Variants in HUNK observed in about 807,000 individuals in gnomAD.
HUNK encodes the protein hormonally up-regulated neu tumor-associated kinase.
HUNK carries 21 observed loss-of-function variants against 61.0 expected under a neutral mutation model. The observed-to-expected ratio is 0.34, with a 90% CI of 0.24 to 0.50. The LOEUF is 0.50. Among genes scored for constraint, HUNK ranks in the 20% least tolerant of loss-of-function variants. The pLI is 0.98. For synonymous variants in HUNK, 371 were observed against 386.1 expected, an observed-to-expected ratio of 0.96 and a Z score of 0.46; for missense variants, 772 against 945.7, an observed-to-expected ratio of 0.82 and a Z score of 2.41.
At chr21:31,960,535 C>A (rs2052920091) in intron 5 of HUNK, among the ~76,000 whole-genome samples, 1 of 151,948 alleles carries the variant, frequency 6.6e-6, no homozygotes, top group Admixed American at 6.6e-5. Flanking sequence ...AAAGACATAC[C>A]CGAGACTGGG....
chr21:31,883,019 A>AT (rs112383556), intron 1 of HUNK, among the ~76,000 whole-genome samples: 3,363 of 145,950 alleles, frequency 0.023, 43 homozygotes, highest in African/African-American at 0.034. Flanking sequence ...GGAGTACATA[A>AT]TTTTTTTTTT....
chr21:31,983,685 C>G (rs2053113913), intron 8 of HUNK, 76 bp downstream of exon 8: 1 of 1,029,584 alleles, frequency 9.7e-7, no homozygotes, highest in Non-Finnish European at 1.5e-6. Context: ...GGAAAAGAAA[C>G]CAATTACTGT....
chr21:31,990,129 G>T lies in HUNK; in HGVS notation c.1258G>T (p.Ala420Ser). 1 of 1,613,802 alleles carries T rather than the reference G, an allele frequency of 6.2e-7. No homozygotes were observed. The highest frequency in any genetic ancestry group is 8.5e-7 in the Non-Finnish European group (1 of 1,179,756). The stretch of plus-strand genomic sequence containing the variant: ...TGTTGAAGGATGTTCCTTTTCACAG[G>T]CCTCTCTGGACACCTGGACACGAGA... ...KYRAPKESYE[A>S]SLDTWTRDLE... Residue 420 changes from alanine to serine, a missense_variant and splice_region_variant, in exon 9 of 11, where the codon GCC (alanine) becomes TCC (serine). Ala to Ser is a moderately conservative substitution (Grantham distance 99, BLOSUM62 1). Coordinates refer to ENST00000270112, the MANE Select transcript of HUNK (RefSeq NM_014586.2).
rs533761792 is a variant in HUNK, at chr21:31,881,078, T to C, written c.261+7143T>C. Among the ~76,000 whole-genome samples the C allele has an allele frequency of 3.3e-5, 5 of 152,316 alleles. No homozygotes were observed. In the East Asian group the frequency reaches 7.7e-4, roughly 24 times the overall value. On this transcript the variant is annotated intron_variant, in intron 1 of 10. Coordinates refer to ENST00000270112, the MANE Select transcript of HUNK (RefSeq NM_014586.2). Reference sequence around the variant, plus strand: ...CGTACGGGACAGTTGCTGAGGGCGGTTCCTGGGGAGAGCTCACAGCTGATA... The same window carrying C: ...CGTACGGGACAGTTGCTGAGGGCGGCTCCTGGGGAGAGCTCACAGCTGATA...
Position 31,990,763 on chromosome 21 carries a change from T to A in HUNK, c.1305+587T>A, listed in dbSNP as rs2053167344. On this transcript the variant is annotated intron_variant, in intron 9 of 10. Coordinates refer to ENST00000270112, the MANE Select transcript of HUNK (RefSeq NM_014586.2). Reference sequence around the variant, plus strand: ...GTTGACCAGGCTGATCTTGAACTCCTGACCTCAAGCCATCCACCTGCCTCA... The same window carrying A: ...GTTGACCAGGCTGATCTTGAACTCCAGACCTCAAGCCATCCACCTGCCTCA... 2.0e-5 allele frequency among the ~76,000 whole-genome samples: 3 copies of A among 152,116 alleles called. No homozygotes were observed. The South Asian group carries it at 6.2e-4, about 32-fold the overall frequency.
intron 6 of HUNK, 125 bp from the exon 7 acceptor site, chr21:31,974,430 C>A: frequency 1.1e-6 from 1 of 900,936 alleles, no homozygotes; most frequent in Non-Finnish European, 1.6e-6. Context: ...AGAACATTTT[C>A]AAAATAAAAA....
chr21:31,923,533 G>A (rs1472372289), intron 1 of HUNK, among the ~76,000 whole-genome samples: 1 of 145,126 alleles, frequency 6.9e-6, no homozygotes, highest in African/African-American at 2.6e-5. Context: ...GAGGAAGGGA[G>A]GGAGGAAGGA....
intron 1 of HUNK, among the ~76,000 whole-genome samples, chr21:31,908,616 G>A (rs536834459): frequency 4.3e-4 from 66 of 152,300 alleles, no homozygotes; most frequent in Admixed American, 1.2e-3. Flanking sequence ...TGCCCACCAC[G>A]TCGGGGTGTC....
chr21:31,879,504 G>T (rs758251285), intron 1 of HUNK, among the ~76,000 whole-genome samples: 5 of 152,156 alleles, frequency 3.3e-5, no homozygotes, highest in Non-Finnish European at 5.9e-5. Context: ...CAGGTCCCAC[G>T]GACTTCAAAG....
At chr21:31,929,880 G>A (rs985532186) in intron 2 of HUNK, among the ~76,000 whole-genome samples, 2 of 152,226 alleles carry the variant, frequency 1.3e-5, no homozygotes, top group Non-Finnish European at 1.5e-5. Context: ...CAAGAAGCAG[G>A]CACAACCTGT....
At chr21:31,911,483 C>G (rs1004913936) in intron 1 of HUNK, among the ~76,000 whole-genome samples, 13 of 152,122 alleles carry the variant, frequency 8.5e-5, no homozygotes, top group African/African-American at 3.1e-4. Flanking sequence ...TGAGGAACAA[C>G]GAGGAGGCGG....
chr21:31,968,813 CTGTGTG>C (rs758656825), intron 6 of HUNK, among the ~76,000 whole-genome samples: 1 of 133,726 alleles, frequency 7.5e-6, no homozygotes, highest in African/African-American at 2.9e-5. Context: ...GGTGTTGTGT[CTGTGTG>C]TGTGTATGTG....
chr21:31,999,474 G>C lies in HUNK; in HGVS notation c.*290G>C, dbSNP rs535709276. On this transcript the variant is annotated 3_prime_UTR_variant, in exon 11 of 11. Coordinates refer to ENST00000270112, the MANE Select transcript of HUNK (RefSeq NM_014586.2). ...CCACTTCCCACTTCCCCCAGGCTTG[G>C]GGGGAAAACAGGGCATGAGCCTTCT... 12 of 385,674 alleles carry C rather than the reference G, an allele frequency of 3.1e-5. No homozygotes were observed. Among genetic ancestry groups the C allele is most frequent in the African/African-American group, 1.6e-4 (8 of 49,666 alleles). 23.9% of individuals were successfully genotyped at this position (385,674 alleles called of 1,614,324 possible). A position where few individuals can be genotyped will look rare whatever the true frequency, so the allele number is the denominator to read the frequency against.
chr21:31,978,045 G>A (rs1400023682), intron 7 of HUNK, among the ~76,000 whole-genome samples: 1 of 152,208 alleles, frequency 6.6e-6, no homozygotes, highest in African/African-American at 2.4e-5. Context: ...GTTGCCAGCT[G>A]CTGCATTTCT....
intron 4 of HUNK, among the ~76,000 whole-genome samples, chr21:31,954,236 G>C (rs1485777333): frequency 6.6e-6 from 1 of 152,150 alleles, no homozygotes; most frequent in Non-Finnish European, 1.5e-5. Context: ...CCCCCACCTG[G>C]GACAGGAAGC....
At chr21:31,971,939 ACG>A (rs150014733) in intron 6 of HUNK, among the ~76,000 whole-genome samples, 2,707 of 151,172 alleles carry the variant, frequency 0.018, 78 homozygotes, top group African/African-American at 0.062. Context: ...AGTAACCTTC[ACG>A]CCTCAGCTTC....
intron 1 of HUNK, among the ~76,000 whole-genome samples, chr21:31,903,152 A>G (rs1162380144): frequency 2.6e-5 from 4 of 152,170 alleles, no homozygotes; most frequent in African/African-American, 9.6e-5. Context: ...GCTTGACCCA[A>G]ATTCAGAGCA....
rs745489536 is a variant in HUNK at position 31,998,891 on chromosome 21, A to G, written c.1852A>G (p.Thr618Ala). ...GCCTCTCCATACTCCTTTGCATCCA[A>G]CTCTGGTCTCTTTTGCTCACGAAGA... Reference protein sequence around the residue: ...MSPLHTPLHPTLVSFAHEDKN... With the variant: ...MSPLHTPLHPALVSFAHEDKN... The change falls in exon 11 of 11, where the codon ACT (threonine) becomes GCT (alanine). Residue 618 changes from threonine to alanine, a missense_variant. By Grantham distance (58) the Thr-to-Ala change is moderately conservative. Around this residue, in one of 2 missense-constraint regions of HUNK, gnomAD observed 413 missense variants for 444.4 expected, o/e 0.93. Coordinates refer to ENST00000270112, the MANE Select transcript of HUNK (RefSeq NM_014586.2). 1.1e-5 allele frequency: 18 copies of G among 1,613,700 alleles called. 1 individual carries two copies. The South Asian group carries it at 1.4e-4, about 13-fold the overall frequency.
intron 1 of HUNK, among the ~76,000 whole-genome samples, chr21:31,914,710 G>A (rs2052570188): frequency 6.6e-6 from 1 of 151,878 alleles, no homozygotes; most frequent in African/African-American, 2.4e-5. Flanking sequence ...TTCTCTCTGT[G>A]TCCTCACATG....
Sources: allele counts gnomAD v4.1 joint callset (sites outside exome capture counted in the v4.1 genomes callset), GRCh38; gene constraint gnomAD v4.1.1; regional missense constraint gnomAD v4.1.1; transcripts MANE v1.5; gene names NCBI Gene and HGNC (gene_info 2026-07-23, HGNC 2026-07-21).